Variants in TCF7L1 observed in about 807,000 individuals in gnomAD.
TCF7L1 encodes transcription factor 7-like 1.
Under a neutral mutation model 63.7 loss-of-function variants are expected in TCF7L1, and 18 were observed. That is an observed-to-expected ratio of 0.28 (90% CI 0.20 to 0.42). The LOEUF (loss-of-function observed/expected upper bound fraction) is 0.42. Ranked by LOEUF, TCF7L1 falls within the 10% of genes least tolerant of loss-of-function variation. The pLI, the probability that TCF7L1 is intolerant of heterozygous loss-of-function variation, is 1.00. For missense variants in TCF7L1, 654 were observed against 779.3 expected (o/e 0.84, Z 1.91); for synonymous variants, 355 against 340.9 (o/e 1.04, Z -0.46).
At chr2:85,212,536 G>T (rs1235015012) in intron 3 of TCF7L1, among the ~76,000 whole-genome samples, 1 of 152,186 alleles carries the variant, frequency 6.6e-6, no homozygotes, top group African/African-American at 2.4e-5. Flanking sequence ...CCTGGGGATT[G>T]ATGGACTTTT....
intron 4 of TCF7L1, among the ~76,000 whole-genome samples, chr2:85,284,562 T>C (rs1416905150): frequency 6.6e-6 from 1 of 152,142 alleles, no homozygotes; most frequent in Non-Finnish European, 1.5e-5. Context: ...TATCCTACTT[T>C]CCTGGGCTTT....
chr2:85,288,068 G>A (rs189745635), intron 4 of TCF7L1, among the ~76,000 whole-genome samples: 3 of 152,186 alleles, frequency 2.0e-5, no homozygotes, highest in Admixed American at 1.3e-4. Flanking sequence ...TACTCCCAGC[G>A]TCACCACCAC....
At chr2:85,151,145 C>T (rs1207079636) in intron 3 of TCF7L1, among the ~76,000 whole-genome samples, 1 of 152,110 alleles carries the variant, frequency 6.6e-6, no homozygotes, top group Non-Finnish European at 1.5e-5. Flanking sequence ...AGAAACTATA[C>T]TGCAAGATTT....
rs1202455131 is a variant in TCF7L1 at position 85,303,901 on chromosome 2, C to T, written c.665C>T (p.Pro222Leu). ...TATCTCTCTTTGGAAGCAGGAATCC[C>T]CCGGCCCCCTCACCCATCCGAGCTG... The part of the protein sequence containing the change: ...SPEIDPKTGI[P>L]RPPHPSELSP... The change falls in exon 6 of 12, where the codon CCC becomes CTC. Residue 222 changes from proline (P) to leucine (L), a missense_variant. Physicochemically the swap from Pro to Leu is moderately conservative, Grantham distance 98. Around this residue, in one of 3 missense-constraint regions of TCF7L1, gnomAD observed 404 missense variants for 454.8 expected, o/e 0.89. Transcript: ENST00000282111. 1 of 1,611,110 alleles carries T rather than the reference C, an allele frequency of 6.2e-7. No individual in the cohort carries two copies. The highest frequency in any genetic ancestry group is 1.7e-5 in the Admixed American group (1 of 59,772).
Position 85,309,770 on chromosome 2 carries a change from C to T in TCF7L1, c.*308C>T. On this transcript the variant is annotated 3_prime_UTR_variant, in exon 12 of 12. Transcript: ENST00000282111. Reference sequence around the variant, plus strand: ...CAGAGGGCACTTCTCTCTCTTACCTCTCTTGCACTTTCTGTCTCCTGTCTC... The same window carrying T: ...CAGAGGGCACTTCTCTCTCTTACCTTTCTTGCACTTTCTGTCTCCTGTCTC... The T allele has an allele frequency of 3.2e-6, 1 of 312,458 alleles. No individual in the cohort carries two copies. Among genetic ancestry groups the T allele is most frequent in the Non-Finnish European group, 5.8e-6 (1 of 171,078 alleles). 19.4% of individuals were successfully genotyped at this position (312,458 alleles called of 1,614,324 possible).
rs1193163998 is a variant in TCF7L1 at position 85,134,543 on chromosome 2, T to C, written c.441+93T>C. On this transcript the variant is annotated intron_variant, in intron 3 of 11. Coordinates refer to ENST00000282111, the MANE Select transcript of TCF7L1 (RefSeq NM_031283.3). This position sits in a 1 kb window ranked among gnomAD's most constrained non-coding sequence, Gnocchi z 5.0. ...GGCCATGGAGTGGGGGATGGGGCCT[T>C]CTGCGCCGATCCCAAGCAGAACTTG... 1.4e-6 allele frequency: 2 copies of C among 1,468,762 alleles called. No homozygotes were observed. Among genetic ancestry groups the C allele is most frequent in the Admixed American group, 4.9e-5 (2 of 40,962 alleles). 91.0% of individuals were successfully genotyped at this position (1,468,762 alleles called of 1,614,324 possible).
chr2:85,246,734 C>T (rs1356973290), intron 3 of TCF7L1, among the ~76,000 whole-genome samples: 1 of 151,806 alleles, frequency 6.6e-6, no homozygotes, highest in Non-Finnish European at 1.5e-5. Context: ...GAATTGCAAT[C>T]CTAAGGACTC....
chr2:85,184,265 G>A (rs1678864898), intron 3 of TCF7L1, among the ~76,000 whole-genome samples: 1 of 152,188 alleles, frequency 6.6e-6, no homozygotes, highest in African/African-American at 2.4e-5. Context: ...TGGGTGAGCA[G>A]GAGGAGAGGA....
chr2:85,245,546 C>G (rs1038398588), intron 3 of TCF7L1, among the ~76,000 whole-genome samples: 1 of 152,142 alleles, frequency 6.6e-6, no homozygotes. Context: ...GGCACGGTGG[C>G]TCACATCTGT....
intron 3 of TCF7L1, among the ~76,000 whole-genome samples, chr2:85,140,613 A>G (rs1231982166): frequency 2.2e-5 from 1 of 45,478 alleles, no homozygotes; most frequent in East Asian, 2.1e-3. Flanking sequence ...AGCCTGGCAA[A>G]CACAGTGGAA....
At chr2:85,148,418 A>C (rs1677930260) in intron 3 of TCF7L1, among the ~76,000 whole-genome samples, 1 of 152,140 alleles carries the variant, frequency 6.6e-6, no homozygotes, top group African/African-American at 2.4e-5. Context: ...TTGGGTTTTG[A>C]CCAGGGTTTG....
chr2:85,268,509 C>G (rs909429568), intron 3 of TCF7L1, among the ~76,000 whole-genome samples: 2 of 145,802 alleles, frequency 1.4e-5, no homozygotes, highest in African/African-American at 5.1e-5. Context: ...GTCTCGCTCA[C>G]GTCACCCAGG....
intron 4 of TCF7L1, among the ~76,000 whole-genome samples, chr2:85,285,188 G>A (rs921598487): frequency 3.3e-5 from 5 of 151,932 alleles, no homozygotes; most frequent in African/African-American, 1.2e-4. Context: ...AGCCGAGATC[G>A]CGCCACTGCA....
At chr2:85,277,721 G>A (rs947708565) in intron 3 of TCF7L1, among the ~76,000 whole-genome samples, 1 of 152,218 alleles carries the variant, frequency 6.6e-6, no homozygotes, top group African/African-American at 2.4e-5. Flanking sequence ...TTTCTCACCT[G>A]TGCAGTTTTT....
At chr2:85,278,044 G>A (rs1018810026) in intron 3 of TCF7L1, among the ~76,000 whole-genome samples, 7 of 152,180 alleles carry the variant, frequency 4.6e-5, no homozygotes, top group African/African-American at 1.2e-4. Context: ...TTTACATCAC[G>A]AAGATTTGTG....
intron 3 of TCF7L1, among the ~76,000 whole-genome samples, chr2:85,199,817 A>G (rs1479989109): frequency 6.6e-6 from 1 of 152,174 alleles, no homozygotes; most frequent in African/African-American, 2.4e-5. Context: ...TCCTCTTATT[A>G]AAGTATGCAG....
intron 3 of TCF7L1, among the ~76,000 whole-genome samples, chr2:85,171,565 G>C (rs912073798): frequency 1.3e-5 from 2 of 152,240 alleles, no homozygotes; most frequent in Admixed American, 1.3e-4. Flanking sequence ...AGCTTCTGTT[G>C]TGGGTAAATA....
intron 3 of TCF7L1, among the ~76,000 whole-genome samples, chr2:85,249,884 A>G (rs1226367460): frequency 6.6e-6 from 1 of 152,214 alleles, no homozygotes; most frequent in Non-Finnish European, 1.5e-5. Flanking sequence ...TCATCTGTGA[A>G]AAGGTGATAA....
intron 3 of TCF7L1, among the ~76,000 whole-genome samples, chr2:85,158,971 C>T (rs1558619454): frequency 6.6e-6 from 1 of 152,220 alleles, no homozygotes; most frequent in African/African-American, 2.4e-5. Flanking sequence ...ATTTCCATGT[C>T]TGGTTACAAA....
Sources: gnomAD v4.1 joint callset for allele counts (sites outside exome capture counted in the v4.1 genomes callset) on GRCh38, gnomAD v4.1.1 for gene constraint, gnomAD v4.1.1 regional missense constraint, Gnocchi (gnomAD v3.1) non-coding constraint, MANE v1.5 for transcripts, NCBI Gene and HGNC (gene_info 2026-07-23, HGNC 2026-07-21) for gene names.